USPL1: variants seen among roughly 807,000 people sequenced by gnomAD.
USPL1 encodes the protein SUMO-specific isopeptidase USPL1.
A neutral mutation model predicts 51.5 loss-of-function variants in USPL1; 27 were observed. The observed-to-expected ratio is 0.52, with a 90% CI of 0.39 to 0.72. USPL1 has a LOEUF of 0.72. USPL1 is among the 30% of genes least tolerant of loss of function. USPL1 has a pLI of 0.00. For synonymous variants in USPL1, 451 were observed against 459.6 expected (o/e 0.98, Z 0.24); for missense variants, 1,226 against 1,268.0 (o/e 0.97, Z 0.50).
Position 30,642,698 on chromosome 13 carries a change from C to T in USPL1, c.1053C>T (p.Phe351=). Residue 351 remains phenylalanine, a synonymous_variant, in exon 6 of 9, where the codon TTC becomes TTT. Coordinates refer to ENST00000255304, the MANE Select transcript of USPL1 (RefSeq NM_005800.5). ...LKLETHIEKL[F]LYSFSWDFEC... Reference sequence around the variant, plus strand: ...TAGAAACCCACATTGAAAAGCTCTTCCTATATTCTTTTTCTTGGGACTTTG... The same window carrying T: ...TAGAAACCCACATTGAAAAGCTCTTTCTATATTCTTTTTCTTGGGACTTTG... 6.2e-7 allele frequency: 1 copy of T among 1,613,902 alleles called. No individual in the cohort carries two copies. Among genetic ancestry groups the T allele is most frequent in the Non-Finnish European group, 8.5e-7 (1 of 1,179,894 alleles).
rs1174767917 is a variant in USPL1 at position 30,658,454 on chromosome 13, G to C, written c.2377G>C (p.Val793Leu). ...ITDLQPSVKG[V>L]NNFGGFKTKG... ...TGATTTACAACCTTCAGTTAAAGGG[G>C]TAAATAATTTTGGTGGCTTTAAAAC... The change falls in exon 9 of 9, where the codon GTA becomes CTA. Residue 793 changes from valine to leucine, a missense_variant. Physicochemically the swap from Val to Leu is conservative, Grantham distance 32. Transcript: ENST00000255304. 1 of 1,613,630 alleles carries C rather than the reference G, an allele frequency of 6.2e-7. No individual in the cohort carries two copies. Among genetic ancestry groups the C allele is most frequent in the African/African-American group, 1.3e-5 (1 of 74,906 alleles).
At chr13:30,625,693 T>G (rs1421730371) in intron 3 of USPL1, among the ~76,000 whole-genome samples, 1 of 152,076 alleles carries the variant, frequency 6.6e-6, no homozygotes, top group Non-Finnish European at 1.5e-5. Flanking sequence ...TCCACCCACC[T>G]CGGCCTCCCA....
rs778313184 is a variant in USPL1 at position 30,658,455 on chromosome 13, T to G, written c.2378T>G (p.Val793Gly). Residue 793 changes from valine (V) to glycine (G), a missense_variant, in exon 9 of 9, where the codon GTA becomes GGA. Physicochemically the swap from Val to Gly is moderately radical, Grantham distance 109. Coordinates refer to ENST00000255304, the MANE Select transcript of USPL1 (RefSeq NM_005800.5). ...GATTTACAACCTTCAGTTAAAGGGG[T>G]AAATAATTTTGGTGGCTTTAAAACT... The part of the protein sequence containing the change: ...ITDLQPSVKG[V>G]NNFGGFKTKG... 2 of 1,613,696 alleles carry G rather than the reference T, an allele frequency of 1.2e-6. No individual in the cohort carries two copies. Among genetic ancestry groups the G allele is most frequent in the South Asian group, 2.2e-5 (2 of 91,080 alleles).
Position 30,657,831 on chromosome 13 carries a change from C to T in USPL1, c.1754C>T (p.Pro585Leu), listed in dbSNP as rs747287310. Residue 585 changes from proline (P) to leucine (L), a missense_variant, in exon 9 of 9, where the codon CCT becomes CTT. Physicochemically the swap from Pro to Leu is moderately conservative, Grantham distance 98. Coordinates refer to ENST00000255304, the MANE Select transcript of USPL1 (RefSeq NM_005800.5). ...GPKGLVDNIL[P>L]LTLEETIQKT... ...AAAGGTTTGGTTGACAATATTTTAC[C>T]TCTGACACTTGAAGAAACTATCCAG... 4 of 1,613,810 alleles carry T rather than the reference C, an allele frequency of 2.5e-6. No individual in the cohort carries two copies. The African/African-American group carries it at 4.0e-5, about 16-fold the overall frequency.
chr13:30,631,227 A>T lies in USPL1; in HGVS notation c.621A>T (p.Thr207=). ...GRPSPQNEGC[T]SKLEMPLESK... is the part of the protein sequence containing the mutation. The stretch of plus-strand genomic sequence containing the variant: ...CTTCCCCTCAAAATGAAGGATGTAC[A>T]TCTAAACTGGAAATGCCACTGGAGA... Residue 207 remains threonine, a synonymous_variant, in exon 4 of 9, where the codon ACA becomes ACT. Transcript: ENST00000255304. The T allele has an allele frequency of 6.2e-7, 1 of 1,614,174 alleles. No individual in the cohort carries two copies. The highest frequency in any genetic ancestry group is 1.1e-5 in the South Asian group (1 of 91,082).
intron 7 of USPL1, among the ~76,000 whole-genome samples, chr13:30,648,525 C>T (rs1951047145): frequency 6.6e-6 from 1 of 152,128 alleles, no homozygotes; most frequent in African/African-American, 2.4e-5. Context: ...AATATCCAGT[C>T]CTTTAGGGGT....
intron 4 of USPL1, among the ~76,000 whole-genome samples, chr13:30,633,340 C>G (rs532451339): frequency 2.6e-4 from 39 of 152,146 alleles, no homozygotes; most frequent in Admixed American, 6.5e-5. Flanking sequence ...TGTTTAGTTA[C>G]TATCCAAGGT....
At chr13:30,642,789 T>A in intron 6 of USPL1, 32 bp downstream of exon 6, 1 of 1,598,998 alleles carries the variant, frequency 6.3e-7, no homozygotes, top group Non-Finnish European at 8.5e-7. Context: ...AAATGGGTTC[T>A]TCTAGTTTCT....
At chr13:30,622,356 C>T (rs765739408) in intron 3 of USPL1, among the ~76,000 whole-genome samples, 13 of 152,096 alleles carry the variant, frequency 8.5e-5, no homozygotes, top group Non-Finnish European at 1.3e-4. Context: ...CTTTTAGAAG[C>T]TCTAAATCGC....
rs984085296 is a variant in USPL1 at position 30,627,611 on chromosome 13, A to G, written c.229-3224A>G. Among the ~76,000 whole-genome samples the G allele has an allele frequency of 1.8e-4, 28 of 151,798 alleles. 1 individual carries two copies. Among genetic ancestry groups the G allele is most frequent in the Non-Finnish European group, 4.4e-5 (3 of 68,000 alleles). Reference sequence around the variant, plus strand: ...GAGGTGTAAGTAGGATGCATATACCATGATCTTGACTACTTGAGATTCACA... The same window carrying G: ...GAGGTGTAAGTAGGATGCATATACCGTGATCTTGACTACTTGAGATTCACA... On this transcript the variant is annotated intron_variant, in intron 3 of 8. Coordinates refer to ENST00000255304, the MANE Select transcript of USPL1 (RefSeq NM_005800.5).
In USPL1 at chr13:30,631,312, TGTTG is replaced by T; in HGVS notation, c.710_713del (p.Trp237Ter). The T allele has an allele frequency of 6.2e-7, 1 of 1,614,198 alleles. No individual in the cohort carries two copies. Among genetic ancestry groups the T allele is most frequent in the Non-Finnish European group, 8.5e-7 (1 of 1,180,032 alleles). ...CCAGTGGAAAAATGCTTATGCTCTC[TGTTG>T]GTTAGACTGTATCCTGTCAGCTTTG... On this transcript the variant is annotated frameshift_variant, in exon 4 of 9. Transcript: ENST00000255304. LOFTEE classifies it high-confidence loss of function.
intron 4 of USPL1, 143 bp downstream of exon 4, chr13:30,631,617 C>G: frequency 9.6e-6 from 7 of 732,906 alleles, no homozygotes; most frequent in Non-Finnish European, 1.5e-5. Context: ...CCTCCCACCT[C>G]AGTCTCCCAA....
chr13:30,659,604 A>G lies in USPL1; in HGVS notation c.*248A>G, dbSNP rs1566064167. On this transcript the variant is annotated 3_prime_UTR_variant, in exon 9 of 9. Transcript: ENST00000255304. The stretch of plus-strand genomic sequence containing the variant: ...GAGAGTATGAGGATTTCAAAATGTT[A>G]AAGATGAAAAGTGGCGTCTAGTTTC... The G allele has an allele frequency of 8.2e-6, 3 of 364,644 alleles. No individual in the cohort carries two copies. The highest frequency in any genetic ancestry group is 4.2e-5 in the African/African-American group (2 of 47,350). 22.6% of individuals were successfully genotyped at this position (364,644 alleles called of 1,614,324 possible).
intron 1 of USPL1, among the ~76,000 whole-genome samples, chr13:30,618,810 A>G (rs1435531396): frequency 1.3e-5 from 2 of 152,300 alleles, no homozygotes; most frequent in East Asian, 1.9e-4. Flanking sequence ...TCACAGTACA[A>G]TGAGCTTTAG....
intron 3 of USPL1, among the ~76,000 whole-genome samples, chr13:30,628,260 C>CT (rs1316475629): frequency 1.3e-5 from 2 of 151,908 alleles, no homozygotes; most frequent in Non-Finnish European, 2.9e-5. Context: ...CAGTATTTGC[C>CT]TTTTTTGTGA....
At position 30,631,573 on chromosome 13, in the gene USPL1, T is replaced by C. The variant is rs896248628; in HGVS notation, c.868+99T>C. The C allele has an allele frequency of 3.2e-6, 4 of 1,240,200 alleles. No individual in the cohort carries two copies. The African/African-American group carries it at 4.6e-5, about 14-fold the overall frequency. 76.8% of individuals were successfully genotyped at this position (1,240,200 alleles called of 1,614,324 possible). On this transcript the variant is annotated intron_variant, in intron 4 of 8. Coordinates refer to ENST00000255304, the MANE Select transcript of USPL1 (RefSeq NM_005800.5). ...TGGAGTGCAGTGGCATGATCATGTC[T>C]CCTTGCAGCCTTGACTTCCCTGGCT...
intron 8 of USPL1, among the ~76,000 whole-genome samples, chr13:30,655,026 C>T (rs1292337773): frequency 6.6e-6 from 1 of 151,756 alleles, no homozygotes; most frequent in African/African-American, 2.4e-5. Flanking sequence ...ACCACGTCTG[C>T]CTCCCGGGTT....
At chr13:30,654,406 CT>C (rs374088829) in intron 8 of USPL1, among the ~76,000 whole-genome samples, 7 of 148,496 alleles carry the variant, frequency 4.7e-5, no homozygotes, top group East Asian at 2.0e-4. Flanking sequence ...CTCTCTCTCT[CT>C]TTTTTTTTTG....
At chr13:30,636,837 C>T (rs1267629396) in intron 4 of USPL1, among the ~76,000 whole-genome samples, 1 of 152,204 alleles carries the variant, frequency 6.6e-6, no homozygotes, top group Non-Finnish European at 1.5e-5. Flanking sequence ...GAGTTAATGA[C>T]CAGCCCAGGC....
Sources: gnomAD v4.1 joint callset for allele counts (sites outside exome capture counted in the v4.1 genomes callset) on GRCh38, gnomAD v4.1.1 for gene constraint, MANE v1.5 for transcripts, NCBI Gene and HGNC (gene_info 2026-07-23, HGNC 2026-07-21) for gene names.